The following GCNT1 variants were observed in gnomAD, a reference collection of about 807,000 sequenced individuals.
The protein encoded by GCNT1 is beta-1,3-galactosyl-O-glycosyl-glycoprotein beta-1,6-N-acetylglucosaminyltransferase.
GCNT1 carries 16 observed loss-of-function variants against 26.2 expected under a neutral mutation model. That is an observed-to-expected ratio of 0.61 (90% CI 0.41 to 0.93). The LOEUF (loss-of-function observed/expected upper bound fraction) is 0.93. Among genes scored for constraint, GCNT1 ranks in the 40% least tolerant of loss-of-function variants. GCNT1 has a pLI of 0.00. For synonymous variants in GCNT1, 183 were observed against 190.8 expected (o/e 0.96, Z 0.34); for missense variants, 477 against 526.7 (o/e 0.91, Z 0.92).
chr9:76,421,686 GTTGTT>G (rs1823198175), intron 1 of GCNT1, among the ~76,000 whole-genome samples: 1 of 84,376 alleles, frequency 1.2e-5, no homozygotes, highest in Non-Finnish European at 2.2e-5. Flanking sequence ...TTGTTTGTAG[GTTGTT>G]TTTTTTTTTT....
intron 1 of GCNT1, among the ~76,000 whole-genome samples, chr9:76,453,656 G>T (rs1004864213): frequency 6.6e-6 from 1 of 152,194 alleles, no homozygotes; most frequent in Non-Finnish European, 1.5e-5. Flanking sequence ...TCCCCAGGTC[G>T]AGGAGCTGAG....
chr9:76,419,634 G>A (rs895695591), upstream of GCNT1, among the ~76,000 whole-genome samples: 1 of 152,026 alleles, frequency 6.6e-6, no homozygotes, highest in Admixed American at 6.6e-5. Flanking sequence ...CTCCAGCCTG[G>A]GGGACAAATT....
At chr9:76,478,246 G>A (rs1282569010) in intron 2 of GCNT1, among the ~76,000 whole-genome samples, 1 of 152,176 alleles carries the variant, frequency 6.6e-6, no homozygotes, top group Non-Finnish European at 1.5e-5. Context: ...GTCACTCTTT[G>A]CGTCCGCACT....
At chr9:76,430,806 CCT>C (rs1318868607) in intron 1 of GCNT1, among the ~76,000 whole-genome samples, 2 of 152,076 alleles carry the variant, frequency 1.3e-5, no homozygotes, top group African/African-American at 4.8e-5. Flanking sequence ...GCCTCAGGCC[CCT>C]GAGTAGCTGG....
At chr9:76,460,824 C>T (rs945168760) in intron 2 of GCNT1, among the ~76,000 whole-genome samples, 2 of 152,180 alleles carry the variant, frequency 1.3e-5, no homozygotes, top group African/African-American at 2.4e-5. Flanking sequence ...GTCACTGCCA[C>T]CTCCTCTGCC....
chr9:76,503,641 C>T lies in GCNT1; in HGVS notation c.1260C>T (p.His420=). ...AIQCLDEHLR[H]KALETLKH ...AGTGTTTGGATGAGCATTTGAGACA[C>T]AAAGCTTTGGAGACATTAAAACACT... The change falls in exon 4 of 4, where the codon CAC becomes CAT. Residue 420 remains histidine, a synonymous_variant. Transcript: ENST00000376730. 1 of 1,613,792 alleles carries T rather than the reference C, an allele frequency of 6.2e-7. No homozygotes were observed. Among genetic ancestry groups the T allele is most frequent in the Non-Finnish European group, 8.5e-7 (1 of 1,179,930 alleles).
intron 2 of GCNT1, among the ~76,000 whole-genome samples, chr9:76,481,821 T>C (rs1824430709): frequency 6.6e-6 from 1 of 152,180 alleles, no homozygotes; most frequent in Admixed American, 6.5e-5. Context: ...ATTTATGACC[T>C]ATATTAAGCA....
intron 1 of GCNT1, among the ~76,000 whole-genome samples, chr9:76,432,555 G>A (rs771203946): frequency 6.6e-6 from 1 of 152,138 alleles, no homozygotes; most frequent in Non-Finnish European, 1.5e-5. Flanking sequence ...GCCCAGGCTG[G>A]TTGAGAACTC....
At chr9:76,499,650 A>G (rs1825009402) in intron 2 of GCNT1, among the ~76,000 whole-genome samples, 1 of 152,126 alleles carries the variant, frequency 6.6e-6, no homozygotes, top group Non-Finnish European at 1.5e-5. Flanking sequence ...TGGATGTGCA[A>G]ATTAATTTTT....
intron 2 of GCNT1, among the ~76,000 whole-genome samples, chr9:76,471,095 C>T (rs558363309): frequency 2.0e-5 from 3 of 152,336 alleles, no homozygotes; most frequent in Non-Finnish European, 4.4e-5. Flanking sequence ...GGTTCTCACA[C>T]TACTTATGCT....
At chr9:76,498,542 G>A (rs1241768008) in intron 2 of GCNT1, among the ~76,000 whole-genome samples, 1 of 152,132 alleles carries the variant, frequency 6.6e-6, no homozygotes, top group Non-Finnish European at 1.5e-5. Context: ...GGAGGCCAAG[G>A]CAGGCAGATC....
intron 2 of GCNT1, among the ~76,000 whole-genome samples, chr9:76,499,181 G>T (rs1393698318): frequency 6.6e-6 from 1 of 151,956 alleles, no homozygotes; most frequent in Non-Finnish European, 1.5e-5. Flanking sequence ...AGGCTGAAGT[G>T]CAGTGGCATG....
At position 76,470,472 on chromosome 9, in the gene GCNT1, G is replaced by T. The variant is rs879649591; in HGVS notation, c.-290+10295G>T. ...ATACAGAAATTAGCTGGGTGTGGTGGTGTGCGTCTGTAGTCCCAGCTACTC... is the reference window on the plus strand; with the variant it reads ...ATACAGAAATTAGCTGGGTGTGGTGTTGTGCGTCTGTAGTCCCAGCTACTC... On this transcript the variant is annotated intron_variant, in intron 2 of 3. Coordinates refer to ENST00000376730, the MANE Select transcript of GCNT1 (RefSeq NM_001490.5). 6.9e-4 allele frequency among the ~76,000 whole-genome samples: 105 copies of T among 152,014 alleles called. 1 individual carries two copies. Among genetic ancestry groups the T allele is most frequent in the Admixed American group, 5.4e-3 (83 of 15,260 alleles).
chr9:76,501,723 A>G (rs1336764625), intron 3 of GCNT1: 3 of 152,222 alleles, frequency 2.0e-5, no homozygotes. Flanking sequence ...CTAAATCAGC[A>G]AAAAGCAGAA....
chr9:76,483,880 G>C (rs1181385014), intron 2 of GCNT1, among the ~76,000 whole-genome samples: 1 of 151,552 alleles, frequency 6.6e-6, no homozygotes, highest in Admixed American at 6.6e-5. Flanking sequence ...TGTTGATTCA[G>C]GTTGTTCCAG....
rs574601319 is a variant in GCNT1 at position 76,504,913 on chromosome 9, A to AT, written c.*1256dup. 0.095 allele frequency: 34,238 copies of AT among 361,042 alleles called. 560 individuals carry two copies. The highest frequency in any genetic ancestry group is 0.13 in the Middle Eastern group (171 of 1,330). 22.4% of individuals were successfully genotyped at this position (361,042 alleles called of 1,614,324 possible). A position where few individuals can be genotyped will look rare whatever the true frequency, so the allele number is the denominator to read the frequency against. On this transcript the variant is annotated 3_prime_UTR_variant, in exon 4 of 4. Transcript: ENST00000376730. The stretch of plus-strand genomic sequence containing the variant: ...GGAGGGAACTTTGGGTTTGGGACAG[A>AT]TTTTTTTTTTTGTTTTTGGTATCAT...
At chr9:76,455,424 T>G (rs899514484), upstream of GCNT1, among the ~76,000 whole-genome samples, 1 of 152,186 alleles carries the variant, frequency 6.6e-6, no homozygotes, top group Non-Finnish European at 1.5e-5. Context: ...ATGGCCTTGT[T>G]GTAAGTGTGA....
upstream of GCNT1, among the ~76,000 whole-genome samples, chr9:76,419,228 T>C (rs183665671): frequency 6.6e-6 from 1 of 152,290 alleles, no homozygotes; most frequent in Non-Finnish European, 1.5e-5. Flanking sequence ...ACATGATTAT[T>C]GGCTGTCACA....
the GCNT1 span, among the ~76,000 whole-genome samples, chr9:76,406,331 A>G: frequency 2.0e-5 from 3 of 151,900 alleles, no homozygotes; most frequent in Non-Finnish European, 4.4e-5. Flanking sequence ...CTTTATCTAC[A>G]AAAATATTTT....
Sources: gnomAD v4.1 joint callset for allele counts (sites outside exome capture counted in the v4.1 genomes callset) on GRCh38, gnomAD v4.1.1 for gene constraint, MANE v1.5 for transcripts, NCBI Gene and HGNC (gene_info 2026-07-23, HGNC 2026-07-21) for gene names.